The following MAPK10 variants were observed in gnomAD, a reference collection of about 807,000 sequenced individuals.
The protein encoded by MAPK10 is JNK3 alpha protein kinase.
Under a neutral mutation model 59.3 loss-of-function variants are expected in MAPK10, and 25 were observed. That is an observed-to-expected ratio of 0.42 (90% CI 0.31 to 0.59). The LOEUF (loss-of-function observed/expected upper bound fraction) is 0.59. MAPK10 is among the 20% of genes least tolerant of loss of function. The pLI is 0.15. For missense variants in MAPK10, 351 were observed against 568.9 expected (o/e 0.62, Z 3.90); for synonymous variants, 190 against 200.5 (o/e 0.95, Z 0.44).
chr4:86,530,083 T>C (rs1234944873), intron 1 of MAPK10, among the ~76,000 whole-genome samples: 1 of 151,416 alleles, frequency 6.6e-6, no homozygotes, highest in East Asian at 1.9e-4. Context: ...TTTTTTTTTT[T>C]TTAAGTACAG....
chr4:86,520,345 A>G (rs1757022460), intron 1 of MAPK10, among the ~76,000 whole-genome samples: 1 of 152,146 alleles, frequency 6.6e-6, no homozygotes, highest in Non-Finnish European at 1.5e-5. Context: ...GAATTGAATT[A>G]ACTTGAAAGC....
intron 4 of MAPK10, chr4:86,119,966 T>G (rs2058968558): frequency 6.6e-6 from 1 of 152,320 alleles, no homozygotes; most frequent in Non-Finnish European, 1.5e-5. Flanking sequence ...AACTTGTCTC[T>G]ATTTTCTTTT....
At chr4:86,301,825 CCA>C (rs147420544) in intron 2 of MAPK10, among the ~76,000 whole-genome samples, 3,276 of 152,228 alleles carry the variant, frequency 0.022, 112 homozygotes, top group African/African-American at 0.073. Flanking sequence ...TCCCAGTTCT[CCA>C]CACTGAGAAC....
intron 13 of MAPK10, chr4:86,028,727 A>T (rs180914809): frequency 1.1e-5 from 2 of 187,468 alleles, no homozygotes; most frequent in Admixed American, 1.1e-4. Flanking sequence ...TAGCAAACGA[A>T]AAATTTTCCA....
intron 1 of MAPK10, among the ~76,000 whole-genome samples, chr4:86,408,530 GTTC>G (rs757792848): frequency 9.2e-5 from 14 of 152,258 alleles, no homozygotes; most frequent in South Asian, 8.3e-4. Context: ...GTGTAAAAGT[GTTC>G]TTATTTCTCC....
chr4:86,144,615 C>T (rs925342308), intron 4 of MAPK10, among the ~76,000 whole-genome samples: 1 of 152,108 alleles, frequency 6.6e-6, no homozygotes, highest in Non-Finnish European at 1.5e-5. Flanking sequence ...CTCTTTCCTT[C>T]TCTCTCTCTT....
At chr4:86,440,450 GTGAGATCC>G (rs1358436761) in intron 1 of MAPK10, among the ~76,000 whole-genome samples, 1 of 151,996 alleles carries the variant, frequency 6.6e-6, no homozygotes, top group Non-Finnish European at 1.5e-5. Flanking sequence ...GCCTGGGCAA[GTGAGATCC>G]TGTCTCTACA....
chr4:86,089,292 GA>G (rs1383417278), intron 9 of MAPK10: 2 of 1,567,968 alleles, frequency 1.3e-6, no homozygotes, highest in Non-Finnish European at 1.8e-6. Flanking sequence ...AAACAAAAAT[GA>G]AATGAAGATA....
At chr4:86,188,332 A>G (rs2078786965) in intron 3 of MAPK10, among the ~76,000 whole-genome samples, 1 of 152,178 alleles carries the variant, frequency 6.6e-6, no homozygotes, top group South Asian at 2.1e-4. Context: ...ACTGTCTTCC[A>G]CAATGGTTGA....
At chr4:86,379,250 T>C (rs1740299889) in intron 1 of MAPK10, among the ~76,000 whole-genome samples, 1 of 152,232 alleles carries the variant, frequency 6.6e-6, no homozygotes. Flanking sequence ...AACGTCCATC[T>C]CCATCTGCGT....
intron 1 of MAPK10, among the ~76,000 whole-genome samples, chr4:86,546,614 G>T (rs1036063267): frequency 4.6e-5 from 7 of 150,992 alleles, no homozygotes; most frequent in Admixed American, 4.6e-4. Flanking sequence ...ATTAAACCAA[G>T]CAAGGGGCCC....
intron 2 of MAPK10, among the ~76,000 whole-genome samples, chr4:86,279,028 T>C (rs1563919681): frequency 1.3e-5 from 2 of 152,290 alleles, no homozygotes; most frequent in Middle Eastern, 3.4e-3. Context: ...AATGTCTCAA[T>C]GTTCATTTCT....
At chr4:86,452,337 A>T (rs1229091835) in intron 1 of MAPK10, among the ~76,000 whole-genome samples, 2 of 152,222 alleles carry the variant, frequency 1.3e-5, no homozygotes, top group African/African-American at 4.8e-5. Flanking sequence ...TCCAGGTATT[A>T]GACATTTGGG....
chr4:86,315,126 AT>A (rs1220179350), intron 2 of MAPK10, among the ~76,000 whole-genome samples: 4 of 152,158 alleles, frequency 2.6e-5, no homozygotes, highest in African/African-American at 9.7e-5. Context: ...TCATTATGTT[AT>A]GTGAAATAAG....
chr4:86,165,876 GT>G (rs2071526387), intron 3 of MAPK10, among the ~76,000 whole-genome samples: 1 of 151,952 alleles, frequency 6.6e-6, no homozygotes, highest in Admixed American at 6.6e-5. Context: ...CCTAGAGATG[GT>G]TATTCTATGG....
intron 3 of MAPK10, among the ~76,000 whole-genome samples, chr4:86,179,608 G>T (rs1345930669): frequency 7.9e-5 from 12 of 151,998 alleles, no homozygotes; most frequent in Admixed American, 7.9e-4. Context: ...ATACTACAAG[G>T]CTATAGTAAC....
At chr4:86,507,043 A>G (rs545807459) in intron 1 of MAPK10, among the ~76,000 whole-genome samples, 19 of 152,282 alleles carry the variant, frequency 1.2e-4, no homozygotes, top group Non-Finnish European at 2.2e-4. Context: ...TATATGATAA[A>G]CAATATTCCA....
At chr4:86,371,896 C>T (rs1381992364) in intron 1 of MAPK10, among the ~76,000 whole-genome samples, 3 of 152,112 alleles carry the variant, frequency 2.0e-5, no homozygotes, top group Non-Finnish European at 2.9e-5. Context: ...AACCCACAGA[C>T]CTACAAAGAG....
chr4:86,298,835 G>A (rs2095416860), intron 2 of MAPK10, among the ~76,000 whole-genome samples: 1 of 152,132 alleles, frequency 6.6e-6, no homozygotes, highest in African/African-American at 2.4e-5. Context: ...CAGATCATGA[G>A]AACAGTGGTT....
Sources: gnomAD v4.1 joint callset for allele counts (sites outside exome capture counted in the v4.1 genomes callset) on GRCh38, gnomAD v4.1.1 for gene constraint, MANE v1.5 for transcripts, NCBI Gene and HGNC (gene_info 2026-07-23, HGNC 2026-07-21) for gene names.